The following CLEC16A variants were observed in gnomAD, a reference collection of about 807,000 sequenced individuals.
CLEC16A encodes C-type lectin domain containing 16A.
CLEC16A carries 51 observed loss-of-function variants against 109.5 expected under a neutral mutation model. The ratio of observed to expected loss-of-function variants is 0.47; its 90% CI spans 0.37 to 0.59. The LOEUF is 0.59. CLEC16A is among the 20% of genes least tolerant of loss of function. The pLI is 0.00. For missense variants in CLEC16A, 1,339 were observed against 1,394.0 expected, an observed-to-expected ratio of 0.96 and a Z score of 0.63; for synonymous variants, 673 against 564.2, an observed-to-expected ratio of 1.19 and a Z score of -2.73.
At chr16:11,166,671 C>T in intron 23 of CLEC16A, 119 bp downstream of exon 23, 1 of 998,508 alleles carries the variant, frequency 1.0e-6, no homozygotes, top group Middle Eastern at 3.3e-4. Context: ...GATGATGCCG[C>T]TCAGGTGATC....
intron 19 of CLEC16A, among the ~76,000 whole-genome samples, chr16:11,074,148 C>G (rs777796756): frequency 7.9e-5 from 11 of 138,758 alleles, no homozygotes; most frequent in Middle Eastern, 3.6e-3. Flanking sequence ...TTCCTCTTTT[C>G]TTCTCTTTTT....
Position 11,120,371 on chromosome 16 carries a change from T to G in CLEC16A, c.2117-244T>G, listed in dbSNP as rs181427365. 1.5e-3 allele frequency among the ~76,000 whole-genome samples: 236 copies of G among 152,342 alleles called. No individual in the cohort carries two copies. The highest frequency in any genetic ancestry group is 2.5e-3 in the Non-Finnish European group (167 of 68,022). On this transcript the variant is annotated intron_variant, in intron 19 of 23. Coordinates refer to ENST00000409790, the MANE Select transcript of CLEC16A (RefSeq NM_015226.3). ...TATGCTTTATATCAGTCCTAACTAGTAGCAGTTTGAGGGAGTGTGCATTCT... is the reference window on the plus strand; with the variant it reads ...TATGCTTTATATCAGTCCTAACTAGGAGCAGTTTGAGGGAGTGTGCATTCT...
At chr16:11,117,455 T>A (rs1187519940) in intron 19 of CLEC16A, among the ~76,000 whole-genome samples, 2 of 152,212 alleles carry the variant, frequency 1.3e-5, no homozygotes, top group African/African-American at 2.4e-5. Flanking sequence ...CATACAAAAC[T>A]CTTGGTAATA....
chr16:11,095,827 A>G lies in CLEC16A; in HGVS notation c.2117-24788A>G, dbSNP rs1252267123. Among the ~76,000 whole-genome samples, 10 of 151,512 alleles carry G rather than the reference A, an allele frequency of 6.6e-5. No homozygotes were observed. The East Asian group carries it at 1.7e-3, about 26-fold the overall frequency. ...ACTCTGTCTCAAAAAGAAAAAAAAA[A>G]AAAAAAAAAAGGGAGCTAGAAGCGT... On this transcript the variant is annotated intron_variant, in intron 19 of 23. Transcript: ENST00000409790.
chr16:10,970,460 G>T (rs1872909670), intron 4 of CLEC16A, among the ~76,000 whole-genome samples: 3 of 152,238 alleles, frequency 2.0e-5, no homozygotes, highest in Admixed American at 2.0e-4. Flanking sequence ...TTATCCCCAT[G>T]TTATAGATGT....
intron 18 of CLEC16A, among the ~76,000 whole-genome samples, chr16:11,054,794 C>A (rs2048122918): frequency 6.6e-6 from 1 of 152,200 alleles, no homozygotes; most frequent in Non-Finnish European, 1.5e-5. Flanking sequence ...TCAGAACACA[C>A]CAATGTGCTT....
At chr16:11,076,383 G>C (rs2152934972) in intron 19 of CLEC16A, among the ~76,000 whole-genome samples, 1 of 152,340 alleles carries the variant, frequency 6.6e-6, no homozygotes, top group East Asian at 1.9e-4. Flanking sequence ...GGGGAGGGCA[G>C]TAAGAGCCGC....
intron 19 of CLEC16A, among the ~76,000 whole-genome samples, chr16:11,106,202 C>T (rs780120440): frequency 6.6e-6 from 1 of 152,170 alleles, no homozygotes; most frequent in Non-Finnish European, 1.5e-5. Flanking sequence ...TATTTTGAAA[C>T]CTTCCAAGCA....
chr16:11,112,532 T>C (rs1039873856), intron 19 of CLEC16A, among the ~76,000 whole-genome samples: 1 of 147,976 alleles, frequency 6.8e-6, no homozygotes, highest in African/African-American at 2.5e-5. Context: ...CCAGGAATGA[T>C]GGCACACCTG....
Position 11,039,864 on chromosome 16 carries a change from G to A in CLEC16A, c.1648G>A (p.Ala550Thr), listed in dbSNP as rs780206082. 3.2e-5 allele frequency: 51 copies of A among 1,612,522 alleles called. No individual in the cohort carries two copies. In the Admixed American group the frequency reaches 3.8e-4, roughly 12 times the overall value. ...AERLIRIMNNAAQPDGKIRLA... is the reference protein window; with the variant it reads ...AERLIRIMNNTAQPDGKIRLA... ...AAGACTCATCAGGATCATGAACAACGCTGCCCAGCCAGGTGCCCACTTGGG... is the reference window on the plus strand; with the variant it reads ...AAGACTCATCAGGATCATGAACAACACTGCCCAGCCAGGTGCCCACTTGGG... The change falls in exon 14 of 24, where the codon GCT becomes ACT. Residue 550 changes from alanine (A) to threonine (T), a missense_variant. Physicochemically the swap from Ala to Thr is moderately conservative, Grantham distance 58. Around this residue, in one of 3 missense-constraint regions of CLEC16A, gnomAD observed 1,061 missense variants for 1,006.8 expected, o/e 1.05. Transcript: ENST00000409790.
chr16:10,952,990 C>T (rs1004147106), intron 1 of CLEC16A, among the ~76,000 whole-genome samples: 1 of 152,018 alleles, frequency 6.6e-6, no homozygotes, highest in Non-Finnish European at 1.5e-5. Context: ...TAGGGCAAGT[C>T]TAAGAAAATT....
intron 19 of CLEC16A, among the ~76,000 whole-genome samples, chr16:11,072,849 C>T (rs2049146731): frequency 6.6e-6 from 1 of 152,230 alleles, no homozygotes. Context: ...TAACAAAGCA[C>T]AGCCTCGTGA....
At chr16:10,956,290 A>G (rs147930273) in intron 1 of CLEC16A, among the ~76,000 whole-genome samples, 204 of 152,380 alleles carry the variant, frequency 1.3e-3, no homozygotes, top group Non-Finnish European at 2.3e-3. Flanking sequence ...ATTCGTAAAT[A>G]AACCCTAGCC....
intron 1 of CLEC16A, among the ~76,000 whole-genome samples, chr16:10,947,635 C>T (rs902673054): frequency 6.6e-6 from 1 of 152,128 alleles, no homozygotes; most frequent in Admixed American, 6.5e-5. Flanking sequence ...TGGGATTTAT[C>T]TGACACTTCG....
chr16:11,165,006 T>C (rs1182331928), intron 22 of CLEC16A, among the ~76,000 whole-genome samples: 1 of 152,010 alleles, frequency 6.6e-6, no homozygotes, highest in Non-Finnish European at 1.5e-5. Context: ...TGAGATCCCC[T>C]CTCTCAGCTG....
intron 19 of CLEC16A, among the ~76,000 whole-genome samples, chr16:11,072,527 T>C (rs558345481): frequency 2.0e-5 from 3 of 152,162 alleles, no homozygotes; most frequent in Non-Finnish European, 4.4e-5. Context: ...ATTTAATAGA[T>C]GGGGAGTATA....
chr16:11,144,415 T>G (rs990618101), intron 22 of CLEC16A, among the ~76,000 whole-genome samples: 1 of 152,056 alleles, frequency 6.6e-6, no homozygotes, highest in Non-Finnish European at 1.5e-5. Context: ...CCACAACTTC[T>G]GTGGGACAGC....
intron 22 of CLEC16A, among the ~76,000 whole-genome samples, chr16:11,148,383 G>A (rs1418195880): frequency 1.3e-5 from 2 of 152,134 alleles, no homozygotes; most frequent in Non-Finnish European, 2.9e-5. Context: ...CCACCTCCTG[G>A]TGGAGGAGGT....
At position 11,181,506 on chromosome 16, in the gene CLEC16A, G is replaced by C. The variant is rs1283685818; in HGVS notation, c.*2816G>C. On this transcript the variant is annotated 3_prime_UTR_variant, in exon 24 of 24. Coordinates refer to ENST00000409790, the MANE Select transcript of CLEC16A (RefSeq NM_015226.3). ...GCTGGGTTTGCCAAGTCAGGGAGCA[G>C]GGCTGGCCGCAGGAACTCCCAAACC... 6.6e-6 allele frequency: 1 copy of C among 152,380 alleles called. No individual in the cohort carries two copies. The highest frequency in any genetic ancestry group is 1.5e-5 in the Non-Finnish European group (1 of 68,134). The allele number at this position is 152,380 out of a possible 1,614,324, so 9.4% of individuals were successfully genotyped here.
Sources: gnomAD v4.1 joint callset for allele counts (sites outside exome capture counted in the v4.1 genomes callset) on GRCh38, gnomAD v4.1.1 for gene constraint, gnomAD v4.1.1 regional missense constraint, MANE v1.5 for transcripts, NCBI Gene and HGNC (gene_info 2026-07-23, HGNC 2026-07-21) for gene names.